RNF212B: variants seen among roughly 807,000 people sequenced by gnomAD.
RNF212B encodes E3 ubiquitin-protein ligase RNF212B.
In RNF212B, 52 loss-of-function variants were observed where a neutral mutation model predicts 55.5. The ratio of observed to expected loss-of-function variants is 0.94; its 90% CI spans 0.75 to 1.18. The LOEUF (loss-of-function observed/expected upper bound fraction) is 1.18, where lower values mean the gene tolerates loss of function less well. Ranked by LOEUF, RNF212B falls within the 50% of genes most tolerant of loss-of-function variation. The probability of loss-of-function intolerance (pLI) is 0.00; values close to 1 mark genes in which losing one functional copy is unlikely to be tolerated. For missense variants in RNF212B, 289 were observed against 350.4 expected (o/e 0.82, Z 1.40); for synonymous variants, 99 against 121.4 (o/e 0.82, Z 1.21).
Position 23,262,715 on chromosome 14 carries a change from G to C in RNF212B, c.481+4G>C, listed in dbSNP as rs202240994. The C allele has an allele frequency of 6.5e-7, 1 of 1,550,156 alleles. No homozygotes were observed. Among genetic ancestry groups the C allele is most frequent in the Non-Finnish European group, 8.7e-7 (1 of 1,146,784 alleles). On this transcript the variant is annotated splice_donor_region_variant and intron_variant, in intron 8 of 14. Transcript: ENST00000430154. The stretch of plus-strand genomic sequence containing the variant: ...ATTACTTCCCCATCACAGTCAGGTG[G>C]AGAACATTTTTCCCCTAAATATCTG...
At chr14:23,233,562 C>CAAA (rs35654046), upstream of RNF212B, among the ~76,000 whole-genome samples, 248 of 56,820 alleles carry the variant, frequency 4.4e-3, no homozygotes, top group Non-Finnish European at 5.0e-3. Flanking sequence ...CCCATCTCTA[C>CAAA]AAAAAAAAAA....
rs35208170 is a variant in RNF212B, at chr14:23,203,482, C to CTT, written c.-2+10094_-2+10095dup. Among the ~76,000 whole-genome samples the CTT allele has an allele frequency of 2.3e-3, 290 of 124,576 alleles. 6 individuals are homozygous for CTT. The highest frequency in any genetic ancestry group is 3.3e-3 in the Non-Finnish European group (193 of 57,848). 81.7% of individuals were successfully genotyped at this position (124,576 alleles called of 152,430 possible). A position where few individuals can be genotyped will look rare whatever the true frequency, so the allele number is the denominator to read the frequency against. ...AATGGTAGTTCTACTTTTAGTCCCC[C>CTT]TTTTTTTTTTTTTTGAGATGGAGCC... On this transcript the variant is annotated intron_variant, in intron 2 of 15. Transcript: ENST00000399910.
At chr14:23,216,909 A>C (rs1881135935) in intron 2 of RNF212B, among the ~76,000 whole-genome samples, 1 of 145,892 alleles carries the variant, frequency 6.9e-6, no homozygotes, top group Non-Finnish European at 1.5e-5. Context: ...AAAAAAGACC[A>C]ATCTCAAAGG....
chr14:23,243,124 T>C (rs528996282), intron 2 of RNF212B, 132 bp from the exon 3 acceptor site: 10 of 617,918 alleles, frequency 1.6e-5, no homozygotes, highest in Non-Finnish European at 2.9e-5. Flanking sequence ...AACACAATGA[T>C]ATTCTAAATT....
chr14:23,221,905 T>G (rs1266629863), intron 2 of RNF212B, among the ~76,000 whole-genome samples: 1 of 152,100 alleles, frequency 6.6e-6, no homozygotes, highest in Non-Finnish European at 1.5e-5. Flanking sequence ...CCAATGAAGA[T>G]ATTAAGAAGG....
At chr14:23,237,586 TA>T (rs1201181636), upstream of RNF212B, among the ~76,000 whole-genome samples, 3 of 152,254 alleles carry the variant, frequency 2.0e-5, no homozygotes, top group Admixed American at 1.3e-4. Flanking sequence ...CATTTTAGAA[TA>T]TTAAGCAAAA....
At chr14:23,225,626 GA>G (rs1475603243) in intron 2 of RNF212B, among the ~76,000 whole-genome samples, 2 of 150,750 alleles carry the variant, frequency 1.3e-5, no homozygotes, top group African/African-American at 4.9e-5. Flanking sequence ...TGAAGATAGA[GA>G]ATAGAAGGAT....
chr14:23,271,938 G>C (rs1886119463), intron 14 of RNF212B, among the ~76,000 whole-genome samples: 1 of 152,112 alleles, frequency 6.6e-6, no homozygotes, highest in South Asian at 2.1e-4. Context: ...TTTAAAAATA[G>C]CCTTTCTCTT....
In RNF212B at chr14:23,257,270, G is replaced by A. The variant is rs553245100; in HGVS notation, c.229-1279G>A. ...GGCCTCAAGCAATCCTCCTGCCTCAGCCTTGGCTTCCTGAGTCTCTGAGAT... is the reference window on the plus strand; with the variant it reads ...GGCCTCAAGCAATCCTCCTGCCTCAACCTTGGCTTCCTGAGTCTCTGAGAT... On this transcript the variant is annotated intron_variant, in intron 4 of 14. Transcript: ENST00000430154. Among the ~76,000 whole-genome samples the A allele has an allele frequency of 5.9e-5, 9 of 152,284 alleles. 1 individual carries two copies. Among genetic ancestry groups the A allele is most frequent in the African/African-American group, 1.9e-4 (8 of 41,544 alleles).
At chr14:23,232,808 G>A (rs1200607553) in intron 2 of RNF212B, among the ~76,000 whole-genome samples, 2 of 144,904 alleles carry the variant, frequency 1.4e-5, no homozygotes, top group African/African-American at 5.0e-5. Flanking sequence ...GCCTCTGCCC[G>A]GCCGCCACCC....
chr14:23,264,079 CTCTG>C (rs1248347546), intron 9 of RNF212B, 91 bp from the exon 10 acceptor site: 3 of 960,786 alleles, frequency 3.1e-6, no homozygotes, highest in Non-Finnish European at 4.7e-6. Flanking sequence ...CAGAGTGAGA[CTCTG>C]TCTGAAAAAA....
chr14:23,269,894 TTTTC>T lies in RNF212B; in HGVS notation c.711_714del (p.Phe238AspfsTer28). 1 of 1,549,352 alleles carries T rather than the reference TTTTC, an allele frequency of 6.5e-7. No individual in the cohort carries two copies. Among genetic ancestry groups the T allele is most frequent in the Non-Finnish European group, 8.7e-7 (1 of 1,145,896 alleles). On this transcript the variant is annotated frameshift_variant, in exon 13 of 15. Coordinates refer to ENST00000430154, the MANE Select transcript of RNF212B (RefSeq NM_001282322.3). LOFTEE classifies it high-confidence loss of function. Reference sequence around the variant, plus strand: ...ATCTGCCTCCTCTGGACAGGGGATTTTTTCTTTCAGACCATCCCCAAATGGGCAT... The same window carrying T: ...ATCTGCCTCCTCTGGACAGGGGATTTTTTCAGACCATCCCCAAATGGGCAT...
At chr14:23,202,729 T>C (rs1261099838) in intron 2 of RNF212B, among the ~76,000 whole-genome samples, 49 of 151,958 alleles carry the variant, frequency 3.2e-4, no homozygotes, top group South Asian at 2.1e-4. Context: ...TGGGCACCTG[T>C]AGTCCCAGCT....
intron 2 of RNF212B, among the ~76,000 whole-genome samples, chr14:23,216,667 C>T (rs1002672423): frequency 2.6e-5 from 4 of 151,668 alleles, no homozygotes; most frequent in Admixed American, 1.3e-4. Flanking sequence ...ATTGCTTGAG[C>T]TTAGGAGTTC....
intron 7 of RNF212B, among the ~76,000 whole-genome samples, chr14:23,262,327 G>A (rs1885353894): frequency 6.6e-6 from 1 of 152,120 alleles, no homozygotes; most frequent in South Asian, 2.1e-4. Flanking sequence ...TTCTTAAGGT[G>A]GATGAGAGGA....
chr14:23,233,404 T>TAAA (rs34772395), upstream of RNF212B, among the ~76,000 whole-genome samples: 3 of 137,270 alleles, frequency 2.2e-5, no homozygotes, highest in African/African-American at 5.4e-5. Context: ...AATGATCAAT[T>TAAA]AAAAAAAAAA....
At chr14:23,205,037 T>C (rs1879696071) in intron 2 of RNF212B, among the ~76,000 whole-genome samples, 1 of 152,164 alleles carries the variant, frequency 6.6e-6, no homozygotes, top group Non-Finnish European at 1.5e-5. Context: ...TTAATAATAA[T>C]ATTTGGACTT....
At chr14:23,248,473 G>A (rs1366508590) in intron 4 of RNF212B, among the ~76,000 whole-genome samples, 4 of 118,430 alleles carry the variant, frequency 3.4e-5, no homozygotes, top group Admixed American at 1.0e-4. Flanking sequence ...ACAGAGTCTT[G>A]CTCTGTCGCC....
At chr14:23,238,565 AAAAAATAAAAAT>A (rs1178289983) in intron 1 of RNF212B, among the ~76,000 whole-genome samples, 2 of 151,460 alleles carry the variant, frequency 1.3e-5, no homozygotes, top group Admixed American at 1.3e-4. Context: ...TTGTCTCTAC[AAAAAATAAAAAT>A]AAAAATAAAA....
Sources: gnomAD v4.1 joint callset for allele counts (sites outside exome capture counted in the v4.1 genomes callset) on GRCh38, gnomAD v4.1.1 for gene constraint, MANE v1.5 for transcripts, NCBI Gene and HGNC (gene_info 2026-07-23, HGNC 2026-07-21) for gene names.